Variants in FAT3 observed in about 807,000 individuals in gnomAD.
FAT3 encodes protocadherin Fat 3.
FAT3 carries 95 observed loss-of-function variants against 310.2 expected under a neutral mutation model. The ratio of observed to expected loss-of-function variants is 0.31; its 90% CI spans 0.26 to 0.36. The LOEUF (loss-of-function observed/expected upper bound fraction) is 0.36. FAT3 is among the 10% of genes least tolerant of loss of function. The pLI, the probability that FAT3 is intolerant of heterozygous loss-of-function variation, is 1.00. For missense variants in FAT3, 5,408 were observed against 5,715.6 expected (o/e 0.95, Z 1.74); for synonymous variants, 2,314 against 2,192.9 (o/e 1.06, Z -1.54).
intron 2 of FAT3, among the ~76,000 whole-genome samples, chr11:92,417,304 T>C (rs1011252795): frequency 6.6e-6 from 1 of 152,234 alleles, no homozygotes; most frequent in Non-Finnish European, 1.5e-5. Flanking sequence ...TTACAGGGAA[T>C]CTATTTTAAA....
rs1944319861 is a variant in FAT3, at chr11:92,705,831, GA to G, written c.3669+8387del. On this transcript the variant is annotated intron_variant, in intron 4 of 27. Coordinates refer to ENST00000525166, the MANE Select transcript of FAT3 (RefSeq NM_001367949.2). ...TTGGTGGTGGTGTGATGGTGGTGGT[GA>G]TGGTGGTGGTGTGATGGTGGTAGTG... Among the ~76,000 whole-genome samples the G allele has an allele frequency of 1.6e-4, 12 of 76,082 alleles. No homozygotes were observed. In the Admixed American group the frequency reaches 1.7e-3, roughly 11 times the overall value. 49.9% of individuals were successfully genotyped at this position (76,082 alleles called of 152,430 possible). A position where few individuals can be genotyped will look rare whatever the true frequency, so the allele number is the denominator to read the frequency against.
At chr11:92,284,017 T>C (rs1946500942) in intron 1 of FAT3, among the ~76,000 whole-genome samples, 1 of 152,140 alleles carries the variant, frequency 6.6e-6, no homozygotes, top group Non-Finnish European at 1.5e-5. Context: ...TCTGCAAGTT[T>C]CCTGAGGGCT....
At position 92,668,397 on chromosome 11, in the gene FAT3, C is replaced by A. The variant is rs539981570; in HGVS notation, c.3608-28987C>A. 3.3e-5 allele frequency among the ~76,000 whole-genome samples: 5 copies of A among 152,262 alleles called. No individual in the cohort carries two copies. The South Asian group carries it at 8.3e-4, about 25-fold the overall frequency. On this transcript the variant is annotated intron_variant, in intron 3 of 27. Coordinates refer to ENST00000525166, the MANE Select transcript of FAT3 (RefSeq NM_001367949.2). ...CCATAGGAGATTCAGGATAGGATAT[C>A]AGAGTGGGCATGGAAATCTCTATTT...
intron 3 of FAT3, among the ~76,000 whole-genome samples, chr11:92,607,234 A>C (rs562746245): frequency 6.6e-6 from 1 of 151,796 alleles, no homozygotes; most frequent in South Asian, 2.1e-4. Flanking sequence ...TTATGATATG[A>C]TTTCCCTTGT....
chr11:92,765,156 A>T, intron 6 of FAT3, 67 bp downstream of exon 6: 1 of 1,351,786 alleles, frequency 7.4e-7, no homozygotes, highest in African/African-American at 1.5e-5. Flanking sequence ...TAGGAAAAAA[A>T]AAAAAAAGAA....
chr11:92,250,694 G>A (rs1865102001), intron 1 of FAT3, among the ~76,000 whole-genome samples: 1 of 152,146 alleles, frequency 6.6e-6, no homozygotes, highest in Admixed American at 6.6e-5. Context: ...ACTCTTACAT[G>A]TGAGAAGTGG....
At chr11:92,691,024 G>A (rs1943783075) in intron 3 of FAT3, among the ~76,000 whole-genome samples, 1 of 152,196 alleles carries the variant, frequency 6.6e-6, no homozygotes, top group Non-Finnish European at 1.5e-5. Flanking sequence ...AACACAGCAT[G>A]TATTGTTCCC....
chr11:92,850,966 A>C (rs1231155428), intron 19 of FAT3, among the ~76,000 whole-genome samples: 1 of 152,220 alleles, frequency 6.6e-6, no homozygotes, highest in Non-Finnish European at 1.5e-5. Context: ...CACCTGAGCA[A>C]AAAATCAGGA....
At chr11:92,242,412 G>C (rs1864703293) in intron 1 of FAT3, among the ~76,000 whole-genome samples, 1 of 151,924 alleles carries the variant, frequency 6.6e-6, no homozygotes. Flanking sequence ...AAAAATATTT[G>C]TATGGCAACT....
intron 1 of FAT3, among the ~76,000 whole-genome samples, chr11:92,292,312 G>A (rs1294628650): frequency 6.6e-6 from 1 of 152,008 alleles, no homozygotes; most frequent in East Asian, 1.9e-4. Flanking sequence ...GTGAAAGAAG[G>A]CATTAAGTTA....
chr11:92,793,846 G>A (rs971681825), intron 9 of FAT3, among the ~76,000 whole-genome samples: 9 of 151,994 alleles, frequency 5.9e-5, no homozygotes, highest in Non-Finnish European at 7.4e-5. Context: ...TAAATGTAGA[G>A]CATTTTTGAG....
chr11:92,479,806 C>G (rs959894506), intron 2 of FAT3, among the ~76,000 whole-genome samples: 8 of 152,164 alleles, frequency 5.3e-5, no homozygotes, highest in African/African-American at 1.9e-4. Flanking sequence ...AGTGTAACTC[C>G]TATATGGCCC....
chr11:92,262,668 G>A (rs962782928), intron 1 of FAT3, among the ~76,000 whole-genome samples: 1 of 152,098 alleles, frequency 6.6e-6, no homozygotes, highest in Non-Finnish European at 1.5e-5. Context: ...ATGGAAACAA[G>A]CTTTATTTTG....
At chr11:92,514,889 T>C (rs1953423804) in intron 2 of FAT3, among the ~76,000 whole-genome samples, 1 of 152,158 alleles carries the variant, frequency 6.6e-6, no homozygotes, top group Non-Finnish European at 1.5e-5. Context: ...ACCAAATTTT[T>C]GTCTCAGTGT....
At chr11:92,413,810 G>A (rs900099660) in intron 2 of FAT3, among the ~76,000 whole-genome samples, 2 of 152,148 alleles carry the variant, frequency 1.3e-5, no homozygotes, top group African/African-American at 4.8e-5. Context: ...ATGTTGACAG[G>A]CGGGAGAGGA....
At chr11:92,831,490 C>T (rs1428868416) in intron 13 of FAT3, 132 bp from the exon 14 acceptor site, 2 of 721,784 alleles carry the variant, frequency 2.8e-6, no homozygotes, top group African/African-American at 3.6e-5. Flanking sequence ...TTTTGTAGAG[C>T]CACAGCTGTC....
At chr11:92,746,571 G>A (rs537083653) in intron 4 of FAT3, among the ~76,000 whole-genome samples, 1 of 152,238 alleles carries the variant, frequency 6.6e-6, no homozygotes, top group South Asian at 2.1e-4. Flanking sequence ...AACCAGTCAT[G>A]CATTTCTGAA....
intron 2 of FAT3, among the ~76,000 whole-genome samples, chr11:92,484,168 G>T (rs1414183732): frequency 6.6e-6 from 1 of 152,064 alleles, no homozygotes; most frequent in Non-Finnish European, 1.5e-5. Flanking sequence ...CCGCAAATTG[G>T]CCTTCTGTCT....
chr11:92,811,646 A>G (rs1341985549), intron 13 of FAT3, among the ~76,000 whole-genome samples: 1 of 152,172 alleles, frequency 6.6e-6, no homozygotes, highest in East Asian at 1.9e-4. Context: ...GGCAGAGATG[A>G]TAAAGACTTT....
Sources: gnomAD v4.1 joint callset for allele counts (sites outside exome capture counted in the v4.1 genomes callset) on GRCh38, gnomAD v4.1.1 for gene constraint, MANE v1.5 for transcripts, NCBI Gene and HGNC (gene_info 2026-07-23, HGNC 2026-07-21) for gene names.